The following AGAP1 variants were observed in gnomAD, a reference collection of about 807,000 sequenced individuals.
AGAP1 encodes ArfGAP with GTPase domain, ankyrin repeat and PH domain 1.
In AGAP1, 29 loss-of-function variants were observed where a neutral mutation model predicts 105.3. The ratio of observed to expected loss-of-function variants is 0.28; its 90% CI spans 0.21 to 0.38. The LOEUF is 0.38. Ranked by LOEUF, AGAP1 falls within the 10% of genes least tolerant of loss-of-function variation. The pLI, the probability that AGAP1 is intolerant of heterozygous loss-of-function variation, is 1.00. For synonymous variants in AGAP1, 509 were observed against 485.9 expected (o/e 1.05, Z -0.63); for missense variants, 998 against 1,165.1 (o/e 0.86, Z 2.09).
chr2:235,514,156 G>GCA, intron 1 of AGAP1, among the ~76,000 whole-genome samples: 1 of 65,888 alleles, frequency 1.5e-5, no homozygotes, highest in Non-Finnish European at 3.2e-5. Flanking sequence ...ATGCGCGTGC[G>GCA]CGCGCGCACA....
intron 13 of AGAP1, among the ~76,000 whole-genome samples, chr2:235,999,329 G>GTGGTGA (rs2055979982): frequency 7.3e-6 from 1 of 136,378 alleles, no homozygotes; most frequent in African/African-American, 2.9e-5. Flanking sequence ...GGTGGTGGTG[G>GTGGTGA]TGATGATGAT....
Position 236,001,204 on chromosome 2 carries a change from C to A in AGAP1, c.1645+32581C>A, listed in dbSNP as rs549863422. Reference sequence around the variant, plus strand: ...AGAATGCTGAGATAAACGCCACCATCAGAAACCAAGAGAAAGGAAAGGGAC... The same window carrying A: ...AGAATGCTGAGATAAACGCCACCATAAGAAACCAAGAGAAAGGAAAGGGAC... On this transcript the variant is annotated intron_variant, in intron 13 of 17. Coordinates refer to ENST00000304032, the MANE Select transcript of AGAP1 (RefSeq NM_001037131.3). This position sits in a 1 kb window ranked among gnomAD's most constrained non-coding sequence, Gnocchi z 4.7. 6.6e-6 allele frequency among the ~76,000 whole-genome samples: 1 copy of A among 152,288 alleles called. No individual in the cohort carries two copies. The highest frequency in any genetic ancestry group is 2.1e-4 in the South Asian group (1 of 4,828).
At chr2:235,859,718 G>GA (rs2048845277) in intron 9 of AGAP1, among the ~76,000 whole-genome samples, 1 of 152,122 alleles carries the variant, frequency 6.6e-6, no homozygotes, top group African/African-American at 2.4e-5. Context: ...ACCTTTGAAG[G>GA]AAAAAATCGA....
At chr2:235,713,793 G>A (rs1950964294) in intron 2 of AGAP1, among the ~76,000 whole-genome samples, 1 of 152,128 alleles carries the variant, frequency 6.6e-6, no homozygotes, top group Non-Finnish European at 1.5e-5. Context: ...AGTTCTGGAG[G>A]CCAGGAAGTC....
intron 12 of AGAP1, among the ~76,000 whole-genome samples, chr2:235,939,317 G>A (rs1440784230): frequency 6.6e-6 from 1 of 151,910 alleles, no homozygotes; most frequent in Non-Finnish European, 1.5e-5. Flanking sequence ...CCAGCCTCTG[G>A]AGCTTCCATG....
chr2:235,679,222 G>T (rs901863563), intron 1 of AGAP1, among the ~76,000 whole-genome samples: 1 of 152,188 alleles, frequency 6.6e-6, no homozygotes, highest in African/African-American at 2.4e-5. Flanking sequence ...TGTCTACCTT[G>T]TGCCAGTAAA....
At chr2:236,108,695 T>A (rs1395448894) in intron 16 of AGAP1, among the ~76,000 whole-genome samples, 1 of 152,034 alleles carries the variant, frequency 6.6e-6, no homozygotes, top group East Asian at 1.9e-4. Context: ...TTGCTCAGTG[T>A]TTTGTAGACG....
chr2:235,658,846 C>T (rs577265837), intron 1 of AGAP1, among the ~76,000 whole-genome samples: 1 of 152,286 alleles, frequency 6.6e-6, no homozygotes, highest in African/African-American at 2.4e-5. Context: ...GGCACCCTCC[C>T]CCTCGGAATA....
At chr2:235,881,182 G>A (rs1482996837) in intron 9 of AGAP1, among the ~76,000 whole-genome samples, 1 of 152,068 alleles carries the variant, frequency 6.6e-6, no homozygotes, top group African/African-American at 2.4e-5. Flanking sequence ...ACTTGGTTAC[G>A]ATCTAGTAAA....
chr2:235,902,189 C>G (rs1388410027), intron 10 of AGAP1, among the ~76,000 whole-genome samples: 1 of 152,102 alleles, frequency 6.6e-6, no homozygotes, highest in Non-Finnish European at 1.5e-5. Flanking sequence ...TTTGGTTAGT[C>G]TTTGAGTATC....
intron 16 of AGAP1, among the ~76,000 whole-genome samples, chr2:236,084,700 C>G (rs1191145120): frequency 6.6e-6 from 1 of 151,104 alleles, no homozygotes; most frequent in Non-Finnish European, 1.5e-5. Flanking sequence ...GTCAGGAGTT[C>G]AAAACCAGCC....
chr2:235,495,208 T>TA (rs1427316658), intron 1 of AGAP1, among the ~76,000 whole-genome samples: 3 of 151,832 alleles, frequency 2.0e-5, no homozygotes, highest in African/African-American at 7.3e-5. Flanking sequence ...CCTGACAGGT[T>TA]ACCAGGCCAG....
chr2:235,531,775 A>T (rs1943053941), intron 1 of AGAP1, among the ~76,000 whole-genome samples: 1 of 151,840 alleles, frequency 6.6e-6, no homozygotes, highest in South Asian at 2.1e-4. Context: ...CGCCCAGCTA[A>T]TTTTTTTGTA....
chr2:235,668,393 A>G (rs1271084991), intron 1 of AGAP1, among the ~76,000 whole-genome samples: 1 of 152,204 alleles, frequency 6.6e-6, no homozygotes, highest in Non-Finnish European at 1.5e-5. Flanking sequence ...AAAGTAGGGA[A>G]AGCTGGCACC....
At chr2:235,568,346 G>A (rs1944413140) in intron 1 of AGAP1, among the ~76,000 whole-genome samples, 2 of 152,262 alleles carry the variant, frequency 1.3e-5, no homozygotes, top group African/African-American at 4.8e-5. Flanking sequence ...GCACTTTGCG[G>A]AGCATGGACG....
At chr2:236,021,730 C>A (rs750435232) in intron 13 of AGAP1, among the ~76,000 whole-genome samples, 2 of 150,190 alleles carry the variant, frequency 1.3e-5, no homozygotes, top group Non-Finnish European at 3.0e-5. Flanking sequence ...TTTTTTTTTC[C>A]CCAAGAGCTT....
In AGAP1 at chr2:235,970,175, C is replaced by A. The variant is rs1362690107; in HGVS notation, c.1645+1552C>A. Among the ~76,000 whole-genome samples, 5 of 149,258 alleles carry A rather than the reference C, an allele frequency of 3.3e-5. No homozygotes were observed. Among genetic ancestry groups the A allele is most frequent in the African/African-American group, 9.9e-5 (4 of 40,204 alleles). On this transcript the variant is annotated intron_variant, in intron 13 of 17. Coordinates refer to ENST00000304032, the MANE Select transcript of AGAP1 (RefSeq NM_001037131.3). The surrounding 1 kb of genome is among the most constrained non-coding windows in gnomAD (Gnocchi z 5.4). ...CGAGACCATGCCACTGCACTCCAGC[C>A]TGGGCGGGCGACAGAGTGAGACTCT... is the stretch of plus-strand genomic sequence containing the variant.
intron 6 of AGAP1, among the ~76,000 whole-genome samples, chr2:235,785,125 C>T (rs976199504): frequency 3.9e-5 from 6 of 152,188 alleles, no homozygotes; most frequent in African/African-American, 1.4e-4. Flanking sequence ...TTCTCTCCCC[C>T]ACTTTAAGAA....
Position 235,620,306 on chromosome 2 carries a change from C to T in AGAP1, c.164-88873C>T, listed in dbSNP as rs1946435875. Among the ~76,000 whole-genome samples the T allele has an allele frequency of 6.6e-6, 1 of 152,274 alleles. No homozygotes were observed. The highest frequency in any genetic ancestry group is 2.1e-4 in the South Asian group (1 of 4,824). ...CGGATTACTGCTCACCTCTTCAAGCCGATGCTGCTACTCTCCTGGACAGTC... is the reference window on the plus strand; with the variant it reads ...CGGATTACTGCTCACCTCTTCAAGCTGATGCTGCTACTCTCCTGGACAGTC... On this transcript the variant is annotated intron_variant, in intron 1 of 17. Coordinates refer to ENST00000304032, the MANE Select transcript of AGAP1 (RefSeq NM_001037131.3). The surrounding 1 kb of genome is among the most constrained non-coding windows in gnomAD (Gnocchi z 4.5).
Sources: allele counts gnomAD v4.1 joint callset (sites outside exome capture counted in the v4.1 genomes callset), GRCh38; gene constraint gnomAD v4.1.1; non-coding constraint Gnocchi (gnomAD v3.1); transcripts MANE v1.5; gene names NCBI Gene and HGNC (gene_info 2026-07-23, HGNC 2026-07-21).